Variants in PARVB observed in about 807,000 individuals in gnomAD.
PARVB encodes the protein beta-parvin.
Under a neutral mutation model 47.0 loss-of-function variants are expected in PARVB, and 46 were observed. The ratio of observed to expected loss-of-function variants is 0.98; its 90% CI spans 0.77 to 1.25. The LOEUF is 1.25. PARVB is among the 50% of genes most tolerant of loss of function. PARVB has a pLI of 0.00. For missense variants in PARVB, 473 were observed against 471.6 expected (o/e 1.00, Z -0.03); for synonymous variants, 196 against 196.3 (o/e 1.00, Z 0.01).
intron 8 of PARVB, chr22:44,142,808 T>C (rs2267617): frequency 0.43 from 66,162 of 152,138 alleles, 15,520 homozygotes; most frequent in East Asian, 0.56. Flanking sequence ...CTTGAGAAAA[T>C]GCAAACAGGC....
rs372078198 is a variant in PARVB, at chr22:44,017,952, T to G, written c.211+18279T>G. On this transcript the variant is annotated intron_variant, in intron 2 of 13. Transcript: ENST00000406477. ...ATGTCACGTGTCACACATGTGACAT[T>G]GTGTGTGCTTCTCCAGACTAGAGGG... Among the ~76,000 whole-genome samples the G allele has an allele frequency of 5.3e-5, 8 of 152,170 alleles. No homozygotes were observed. The East Asian group carries it at 1.4e-3, about 26-fold the overall frequency.
At chr22:44,122,007 G>A (rs2053058024) in intron 4 of PARVB, among the ~76,000 whole-genome samples, 1 of 152,118 alleles carries the variant, frequency 6.6e-6, no homozygotes, top group Non-Finnish European at 1.5e-5. Context: ...AGAATTCTGT[G>A]TTCAGAACTT....
chr22:44,073,467 C>T (rs1397323449), intron 1 of PARVB, among the ~76,000 whole-genome samples: 1 of 152,168 alleles, frequency 6.6e-6, no homozygotes, highest in African/African-American at 2.4e-5. Flanking sequence ...ACACTCTAGC[C>T]TGGGCGACAG....
At chr22:44,001,765 G>A (rs965542597) in intron 2 of PARVB, among the ~76,000 whole-genome samples, 4 of 152,170 alleles carry the variant, frequency 2.6e-5, no homozygotes, top group Non-Finnish European at 4.4e-5. Context: ...ATGTCTGCCA[G>A]ATACCCACGT....
chr22:44,127,321 G>A (rs1382139116), intron 4 of PARVB, among the ~76,000 whole-genome samples: 1 of 152,004 alleles, frequency 6.6e-6, no homozygotes, highest in African/African-American at 2.4e-5. Context: ...GCATCAGAAT[G>A]TCTTGCCTCA....
intron 1 of PARVB, among the ~76,000 whole-genome samples, chr22:44,091,326 A>G (rs1325390449): frequency 1.4e-5 from 2 of 145,568 alleles, no homozygotes; most frequent in Non-Finnish European, 3.0e-5. Flanking sequence ...TAAAATAGGC[A>G]TAACGTAAAC....
chr22:44,154,525 A>G (rs1601693127), intron 10 of PARVB, among the ~76,000 whole-genome samples: 1 of 127,968 alleles, frequency 7.8e-6, no homozygotes, highest in Non-Finnish European at 1.6e-5. Context: ...TGGTTTATGT[A>G]GTCTGGTGGG....
At chr22:44,120,274 G>A (rs2053014519) in intron 4 of PARVB, among the ~76,000 whole-genome samples, 1 of 152,206 alleles carries the variant, frequency 6.6e-6, no homozygotes, top group Non-Finnish European at 1.5e-5. Context: ...TTGTCCCCAC[G>A]ATGCCTTTTG....
intron 3 of PARVB, among the ~76,000 whole-genome samples, chr22:44,116,666 G>C (rs1378434054): frequency 6.6e-6 from 1 of 152,232 alleles, no homozygotes; most frequent in East Asian, 1.9e-4. Context: ...TCTAACAGGG[G>C]AGAGCCTTTC....
Position 44,166,710 on chromosome 22 carries a change from C to T in PARVB, c.1019-1892C>T, listed in dbSNP as rs145038104. 2.8e-4 allele frequency among the ~76,000 whole-genome samples: 43 copies of T among 152,368 alleles called. No homozygotes were observed. In the Middle Eastern group the frequency reaches 0.014, roughly 48 times the overall value. On this transcript the variant is annotated intron_variant, in intron 12 of 12. Coordinates refer to ENST00000338758, the MANE Select transcript of PARVB (RefSeq NM_013327.5). ...GCTGGTCTGCAGTGCTCATTAGCAC[C>T]TTCGCTGGGCCAGCACTGGGCAGGG...
At chr22:44,014,142 C>G (rs2050553326) in intron 2 of PARVB, among the ~76,000 whole-genome samples, 1 of 152,206 alleles carries the variant, frequency 6.6e-6, no homozygotes, top group Admixed American at 6.5e-5. Flanking sequence ...TGTTTGGGTA[C>G]TATACACAGA....
chr22:44,066,290 G>A (rs948852728), intron 1 of PARVB, among the ~76,000 whole-genome samples: 1 of 152,166 alleles, frequency 6.6e-6, no homozygotes, highest in East Asian at 1.9e-4. Context: ...GATACTGAAG[G>A]GCCTTTCTCC....
At chr22:44,101,430 A>G (rs2052445225) in intron 3 of PARVB, among the ~76,000 whole-genome samples, 1 of 149,098 alleles carries the variant, frequency 6.7e-6, no homozygotes, top group African/African-American at 2.5e-5. Context: ...AAAATAAAAA[A>G]TAAAATATAA....
intron 1 of PARVB, among the ~76,000 whole-genome samples, chr22:44,092,028 A>G (rs930475171): frequency 6.6e-6 from 1 of 152,048 alleles, no homozygotes; most frequent in Non-Finnish European, 1.5e-5. Context: ...CTTGATGTTC[A>G]TTGTTTGGTT....
In PARVB at chr22:44,068,595, A is replaced by C. The variant is rs866272313; in HGVS notation, c.113-25333A>C. ...GTGGAAACGGGGTGGCAAGTGTTCCATGTGTTAGCATTTGGTCCTCCTGAC... is the reference window on the plus strand; with the variant it reads ...GTGGAAACGGGGTGGCAAGTGTTCCCTGTGTTAGCATTTGGTCCTCCTGAC... On this transcript the variant is annotated intron_variant, in intron 1 of 12. Transcript: ENST00000338758. The surrounding 1 kb of genome is among the most constrained non-coding windows in gnomAD (Gnocchi z 4.1). Among the ~76,000 whole-genome samples, 1 of 152,136 alleles carries C rather than the reference A, an allele frequency of 6.6e-6. No homozygotes were observed. Among genetic ancestry groups the C allele is most frequent in the Non-Finnish European group, 1.5e-5 (1 of 68,014 alleles).
rs938295140 is a variant in PARVB, at chr22:44,068,293, C to T, written c.113-25635C>T. Among the ~76,000 whole-genome samples the T allele has an allele frequency of 1.3e-5, 2 of 152,164 alleles. No homozygotes were observed. The highest frequency in any genetic ancestry group is 2.9e-5 in the Non-Finnish European group (2 of 68,032). On this transcript the variant is annotated intron_variant, in intron 1 of 12. Coordinates refer to ENST00000338758, the MANE Select transcript of PARVB (RefSeq NM_013327.5). This position sits in a 1 kb window ranked among gnomAD's most constrained non-coding sequence, Gnocchi z 4.1. ...ATGAGGCTGGTCATTGTTAATAACC[C>T]CTTTTTACCGACGAGGAACCCAGAC... is the stretch of plus-strand genomic sequence containing the variant.
chr22:44,115,901 GGCCCT>G (rs2052883317), intron 3 of PARVB: 6 of 150,910 alleles, frequency 4.0e-5, no homozygotes, highest in African/African-American at 1.5e-4. Context: ...TACTAACTAA[GGCCCT>G]GCACCAACAC....
chr22:44,085,259 A>G (rs892883260), intron 1 of PARVB, among the ~76,000 whole-genome samples: 12 of 152,102 alleles, frequency 7.9e-5, no homozygotes, highest in Admixed American at 2.6e-4. Flanking sequence ...ACACCACCAC[A>G]CCCAGCCTTT....
intron 1 of PARVB, among the ~76,000 whole-genome samples, chr22:44,026,699 C>T (rs1387345918): frequency 1.3e-5 from 2 of 152,156 alleles, no homozygotes; most frequent in East Asian, 1.9e-4. Flanking sequence ...AGTGACAGGG[C>T]GCTTGGGAGG....
Sources: gnomAD v4.1 joint callset for allele counts (sites outside exome capture counted in the v4.1 genomes callset) on GRCh38, gnomAD v4.1.1 for gene constraint, Gnocchi (gnomAD v3.1) non-coding constraint, MANE v1.5 for transcripts, NCBI Gene and HGNC (gene_info 2026-07-23, HGNC 2026-07-21) for gene names.